The following PTGER4 variants were observed in gnomAD, a reference collection of about 807,000 sequenced individuals.
PTGER4 encodes prostaglandin E receptor 4.
In PTGER4, 11 loss-of-function variants were observed where a neutral mutation model predicts 33.2. That is an observed-to-expected ratio of 0.33 (90% CI 0.21 to 0.55). The LOEUF (loss-of-function observed/expected upper bound fraction) is 0.55. Among genes scored for constraint, PTGER4 ranks in the 20% least tolerant of loss-of-function variants. PTGER4 has a pLI of 0.92. For missense variants in PTGER4, 481 were observed against 650.2 expected (o/e 0.74, Z 2.83); for synonymous variants, 275 against 281.5 (o/e 0.98, Z 0.23).
chr5:40,712,916 G>T, the PTGER4 span, among the ~76,000 whole-genome samples: 1 of 152,138 alleles, frequency 6.6e-6, no homozygotes, highest in African/African-American at 2.4e-5. Context: ...TTCTTCCGAA[G>T]TAACCATATT....
the PTGER4 span, among the ~76,000 whole-genome samples, chr5:40,718,826 A>AAGAAGCAG: frequency 6.6e-6 from 1 of 151,540 alleles, no homozygotes; most frequent in Non-Finnish European, 1.5e-5. Flanking sequence ...ACTTGAACCC[A>AAGAAGCAG]AGAAGCAGAG....
chr5:40,685,778 G>T (rs1450614111), intron 2 of PTGER4, among the ~76,000 whole-genome samples: 2 of 152,094 alleles, frequency 1.3e-5, no homozygotes, highest in African/African-American at 4.8e-5. Flanking sequence ...CAACTTACAG[G>T]GTAGCTATAG....
the PTGER4 span, among the ~76,000 whole-genome samples, chr5:40,743,049 A>G: frequency 6.6e-6 from 1 of 152,226 alleles, no homozygotes; most frequent in African/African-American, 2.4e-5. Flanking sequence ...CATTCTTACA[A>G]AAGAAAAACA....
At chr5:40,685,439 G>C in intron 2 of PTGER4, 1 of 985,426 alleles carries the variant, frequency 1.0e-6, no homozygotes, top group Non-Finnish European at 1.2e-6. Flanking sequence ...TGTCAGATGA[G>C]TGTGAAGCAC....
downstream of PTGER4, among the ~76,000 whole-genome samples, chr5:40,697,262 G>GAAAGAAAGAAAGAAAGAA (rs1741630543): frequency 4.3e-5 from 5 of 117,458 alleles, no homozygotes; most frequent in African/African-American, 1.3e-4. Flanking sequence ...AAGAAAGAAA[G>GAAAGAAAGAAAGAAAGAA]AAAGAAAGAA....
At chr5:40,737,963 G>T in the PTGER4 span, among the ~76,000 whole-genome samples, 1 of 152,164 alleles carries the variant, frequency 6.6e-6, no homozygotes, top group African/African-American at 2.4e-5. Flanking sequence ...ACCTGCTGAT[G>T]AACATTTAGG....
rs186792219 is a variant in PTGER4, at chr5:40,687,095, G to C, written c.868-4684G>C. 7.2e-5 allele frequency among the ~76,000 whole-genome samples: 11 copies of C among 152,208 alleles called. No individual in the cohort carries two copies. In the South Asian group the frequency reaches 1.0e-3, roughly 14 times the overall value. ...GAGTTTCACTTTGTGGCCCAGGCTG[G>C]AGTGCAATGGCGCAATCTCAGCTCA... On this transcript the variant is annotated intron_variant, in intron 2 of 2. Transcript: ENST00000302472.
chr5:40,716,541 TAGTATG>T, the PTGER4 span: 1 of 1,302,352 alleles, frequency 7.7e-7, no homozygotes, highest in Non-Finnish European at 1.1e-6. Context: ...TTTTAAAAAT[TAGTATG>T]TTTAATACAA....
chr5:40,730,385 G>A, the PTGER4 span: 1 of 1,539,874 alleles, frequency 6.5e-7, no homozygotes, highest in Non-Finnish European at 8.9e-7. Context: ...TTTTCAATAT[G>A]CTTTTTTGGA....
downstream of PTGER4, among the ~76,000 whole-genome samples, chr5:40,698,667 T>C (rs969245137): frequency 2.0e-5 from 3 of 152,188 alleles, no homozygotes; most frequent in Admixed American, 2.0e-4. Context: ...CAATTATATC[T>C]CAATGCATTA....
chr5:40,681,139 A>G lies in PTGER4; in HGVS notation c.146A>G (p.Gln49Arg), dbSNP rs1420075625. The G allele has an allele frequency of 5.0e-6, 8 of 1,614,020 alleles. No homozygotes were observed. The highest frequency in any genetic ancestry group is 6.8e-6 in the Non-Finnish European group (8 of 1,180,030). Residue 49 changes from glutamine (Q) to arginine (R), a missense_variant, in exon 2 of 3, where the codon CAG becomes CGG. Gln to Arg is a conservative substitution (Grantham distance 43, BLOSUM62 1). Coordinates refer to ENST00000302472, the MANE Select transcript of PTGER4 (RefSeq NM_000958.3). This position sits in a 1 kb window ranked among gnomAD's most constrained non-coding sequence, Gnocchi z 9.8. ...GTGCTGTGCAAGTCGCGCAAGGAGCAGAAGGAGACGACCTTCTACACGCTG... is the reference window on the plus strand; with the variant it reads ...GTGCTGTGCAAGTCGCGCAAGGAGCGGAAGGAGACGACCTTCTACACGCTG... The part of the protein sequence containing the change: ...IVVLCKSRKE[Q>R]KETTFYTLVC...
rs755350771 is a variant in PTGER4, at chr5:40,692,212, T to G, written c.1301T>G (p.Leu434Trp). 4 of 1,614,064 alleles carry G rather than the reference T, an allele frequency of 2.5e-6. No homozygotes were observed. Among genetic ancestry groups the G allele is most frequent in the Admixed American group, 1.7e-5 (1 of 60,014 alleles). Reference sequence around the variant, plus strand: ...GAAGACACCACCTCACTGAGGACTTTGCGAATATCAGAGACCTCAGACTCT... The same window carrying G: ...GAAGACACCACCTCACTGAGGACTTGGCGAATATCAGAGACCTCAGACTCT... ...AQEDTTSLRT[L>W]RISETSDSSQ... is the part of the protein sequence containing the mutation. Residue 434 changes from leucine (L) to tryptophan (W), a missense_variant, in exon 3 of 3, where the codon TTG becomes TGG. Physicochemically the swap from Leu to Trp is moderately conservative, Grantham distance 61. Coordinates refer to ENST00000302472, the MANE Select transcript of PTGER4 (RefSeq NM_000958.3).
At chr5:40,724,866 T>A in the PTGER4 span, among the ~76,000 whole-genome samples, 1 of 151,434 alleles carries the variant, frequency 6.6e-6, no homozygotes, top group Non-Finnish European at 1.5e-5. Context: ...TTTTTTTTTT[T>A]TTTTGAGATG....
At chr5:40,701,073 G>GTCCACA in the PTGER4 span, among the ~76,000 whole-genome samples, 7 of 152,208 alleles carry the variant, frequency 4.6e-5, no homozygotes, top group African/African-American at 1.4e-4. Context: ...AAACATCCAC[G>GTCCACA]TGCAGAGATG....
the PTGER4 span, among the ~76,000 whole-genome samples, chr5:40,709,922 A>T: frequency 6.6e-6 from 1 of 152,252 alleles, no homozygotes; most frequent in Non-Finnish European, 1.5e-5. Context: ...TACAAAAATT[A>T]ATTCAAGATG....
downstream of PTGER4, among the ~76,000 whole-genome samples, chr5:40,696,982 AAGAG>A (rs1229239312): frequency 1.6e-5 from 2 of 124,872 alleles, no homozygotes; most frequent in African/African-American, 5.7e-5. Context: ...GAGAGAGAGA[AAGAG>A]AGAAAGAGAA....
chr5:40,712,587 C>G, the PTGER4 span, among the ~76,000 whole-genome samples: 1 of 152,176 alleles, frequency 6.6e-6, no homozygotes, highest in Non-Finnish European at 1.5e-5. Context: ...AAGCACAAAT[C>G]TCCCTTTGCA....
At chr5:40,712,142 A>T in the PTGER4 span, among the ~76,000 whole-genome samples, 27,200 of 152,098 alleles carry the variant, frequency 0.18, 3,180 homozygotes, top group Middle Eastern at 0.27. Context: ...TTCCCTTCCA[A>T]TTCAATCTAG....
chr5:40,707,571 C>A, the PTGER4 span, among the ~76,000 whole-genome samples: 3 of 152,104 alleles, frequency 2.0e-5, no homozygotes, highest in African/African-American at 4.8e-5. Flanking sequence ...GACTCCCACA[C>A]AAAAATAATG....
Sources: allele counts gnomAD v4.1 joint callset (sites outside exome capture counted in the v4.1 genomes callset), GRCh38; gene constraint gnomAD v4.1.1; non-coding constraint Gnocchi (gnomAD v3.1); transcripts MANE v1.5; gene names NCBI Gene and HGNC (gene_info 2026-07-23, HGNC 2026-07-21).